DYNC2I2: variants seen among roughly 807,000 people sequenced by gnomAD.
DYNC2I2 encodes the protein dynein 2 intermediate chain 2.
DYNC2I2 carries 39 observed loss-of-function variants against 52.0 expected under a neutral mutation model. The observed-to-expected ratio is 0.75, with a 90% CI of 0.58 to 0.98. The LOEUF (loss-of-function observed/expected upper bound fraction) is 0.98, where lower values mean the gene tolerates loss of function less well. Ranked by LOEUF, DYNC2I2 falls within the 50% of genes least tolerant of loss-of-function variation. DYNC2I2 has a pLI of 0.00. For synonymous variants in DYNC2I2, 359 were observed against 321.1 expected (o/e 1.12, Z -1.26); for missense variants, 743 against 728.4 (o/e 1.02, Z -0.23).
Position 128,635,209 on chromosome 9 carries a change from A to G in DYNC2I2, c.864T>C (p.Ser288=), listed in dbSNP as rs1341254604. The part of the protein sequence containing the change: ...PGHSHRFQVL[S]VATDGKVLLW... ...GTAGCACCTTCCCGTCGGTGGCCAC[A>G]CTCAGCACCTGGAAGCGGTGGCTGT... is the stretch of plus-strand genomic sequence containing the variant. Residue 288 remains serine (S), a synonymous_variant, in exon 6 of 9, where the codon AGT becomes AGC. Transcript: ENST00000372715. 1.2e-6 allele frequency: 2 copies of G among 1,613,124 alleles called. No individual in the cohort carries two copies. The highest frequency in any genetic ancestry group is 1.7e-5 in the Admixed American group (1 of 60,004).
intron 1 of DYNC2I2, among the ~76,000 whole-genome samples, chr9:128,652,531 G>A (rs1426383317): frequency 6.7e-6 from 1 of 150,092 alleles, no homozygotes; most frequent in Non-Finnish European, 1.5e-5. Context: ...GCTGACGGAG[G>A]AAAATCGCTT....
At chr9:128,638,887 A>G (rs1418221021) in intron 2 of DYNC2I2, among the ~76,000 whole-genome samples, 5 of 152,218 alleles carry the variant, frequency 3.3e-5, no homozygotes, top group African/African-American at 4.8e-5. Flanking sequence ...CCCAAGCCAC[A>G]ACACGCATGA....
In DYNC2I2 at chr9:128,650,221, C is replaced by T. The variant is rs374802231; in HGVS notation, c.186+6320G>A. ...TCCAGGGCATTCCAGTGTTGACTACCTTTGAGAAGAGGAATGAGGAGGCCC... is the reference window on the plus strand; with the variant it reads ...TCCAGGGCATTCCAGTGTTGACTACTTTTGAGAAGAGGAATGAGGAGGCCC... On this transcript the variant is annotated intron_variant, in intron 1 of 8. Coordinates refer to ENST00000372715, the MANE Select transcript of DYNC2I2 (RefSeq NM_052844.4). Among the ~76,000 whole-genome samples, 220 of 55,442 alleles carry T rather than the reference C, an allele frequency of 4.0e-3. 60 individuals are homozygous for T. The highest frequency in any genetic ancestry group is 7.5e-3 in the African/African-American group (210 of 27,862). 36.4% of individuals were successfully genotyped at this position (55,442 alleles called of 152,430 possible).
At chr9:128,684,109 A>G in the DYNC2I2 span, 4 of 916,934 alleles carry the variant, frequency 4.4e-6, no homozygotes, top group South Asian at 3.2e-5. Flanking sequence ...ACCCCTAAGC[A>G]CCCCCAAAGG....
upstream of DYNC2I2, among the ~76,000 whole-genome samples, chr9:128,659,494 CAAAA>C (rs1236369943): frequency 1.4e-5 from 1 of 69,880 alleles, no homozygotes; most frequent in Non-Finnish European, 3.2e-5. Flanking sequence ...GACTCCGTCT[CAAAA>C]AAAAAAAAAA....
the DYNC2I2 span, among the ~76,000 whole-genome samples, chr9:128,680,087 T>G: frequency 1.3e-5 from 2 of 150,720 alleles, no homozygotes; most frequent in African/African-American, 4.9e-5. Flanking sequence ...TGAGACAGAG[T>G]TTCACTCTTG....
intron 1 of DYNC2I2, among the ~76,000 whole-genome samples, chr9:128,655,224 G>C (rs932136072): frequency 6.6e-6 from 1 of 151,058 alleles, no homozygotes; most frequent in African/African-American, 2.4e-5. Flanking sequence ...GCCTGGGCCG[G>C]CGCGGTGGCT....
chr9:128,643,974 C>T lies in DYNC2I2; in HGVS notation c.187-3035G>A, dbSNP rs1860565590. 5.3e-5 allele frequency among the ~76,000 whole-genome samples: 8 copies of T among 152,210 alleles called. No homozygotes were observed. In the South Asian group the frequency reaches 1.7e-3, roughly 32 times the overall value. ...GAGGAGGCTGCTGAGGGACTACACACACCAAGGAATGAATGAATGGGCCAG... is the reference window on the plus strand; with the variant it reads ...GAGGAGGCTGCTGAGGGACTACACATACCAAGGAATGAATGAATGGGCCAG... On this transcript the variant is annotated intron_variant, in intron 1 of 8. Coordinates refer to ENST00000372715, the MANE Select transcript of DYNC2I2 (RefSeq NM_052844.4).
At chr9:128,635,922 C>T in intron 4 of DYNC2I2, 155 bp from the exon 5 acceptor site, 1 of 718,512 alleles carries the variant, frequency 1.4e-6, no homozygotes, top group East Asian at 2.7e-5. Flanking sequence ...AGAGTCCTAG[C>T]CCCCAGCTCC....
chr9:128,633,775 A>G lies in DYNC2I2; in HGVS notation c.1580T>C (p.Leu527Pro), dbSNP rs1181406363. The G allele has an allele frequency of 1.9e-6, 3 of 1,613,520 alleles. No individual in the cohort carries two copies. Among genetic ancestry groups the G allele is most frequent in the Non-Finnish European group, 2.5e-6 (3 of 1,180,034 alleles). ...TEQGPREAED[L>P]DCLAAEVAA ...CGCCACCTCTGCTGCCAGGCAGTCC[A>G]GGTCCTCAGCTTCCCGGGGCCCTTG... Residue 527 changes from leucine (L) to proline (P), a missense_variant, in exon 9 of 9, where the codon CTG becomes CCG. Coordinates refer to ENST00000372715, the MANE Select transcript of DYNC2I2 (RefSeq NM_052844.4).
rs574821152 is a variant in DYNC2I2, at chr9:128,635,369, G to A, written c.814-110C>T. The A allele has an allele frequency of 9.3e-5, 127 of 1,370,682 alleles. No homozygotes were observed. In the East Asian group the frequency reaches 3.0e-3, roughly 33 times the overall value. The allele number at this position is 1,370,682 out of a possible 1,614,324, so 84.9% of individuals were successfully genotyped here. A position where few individuals can be genotyped will look rare whatever the true frequency, so the allele number is the denominator to read the frequency against. On this transcript the variant is annotated intron_variant, in intron 5 of 8. Transcript: ENST00000372715. ...CAGGAAAAAAAAAAATTCTCCGGGA[G>A]GCCCCAGAACCAGGCTCACCCACCA...
chr9:128,654,322 A>G (rs7862967), intron 1 of DYNC2I2, among the ~76,000 whole-genome samples: 109,291 of 152,100 alleles, frequency 0.72, 42,997 homozygotes, highest in Non-Finnish European at 0.89. Flanking sequence ...CTGCAGGTTC[A>G]TGCAGCAAGC....
At chr9:128,657,911 A>C (rs1488144228), upstream of DYNC2I2, among the ~76,000 whole-genome samples, 1 of 152,046 alleles carries the variant, frequency 6.6e-6, no homozygotes, top group Non-Finnish European at 1.5e-5. Flanking sequence ...GCAACACAGC[A>C]AGACTCCCTC....
chr9:128,658,959 G>A (rs1860886485), upstream of DYNC2I2, among the ~76,000 whole-genome samples: 1 of 151,672 alleles, frequency 6.6e-6, no homozygotes, highest in Admixed American at 6.6e-5. Flanking sequence ...TCGAACTCCT[G>A]GGTTCAAGTG....
At chr9:128,677,751 T>C in the DYNC2I2 span, among the ~76,000 whole-genome samples, 1 of 151,972 alleles carries the variant, frequency 6.6e-6, no homozygotes, top group African/African-American at 2.4e-5. Context: ...AAGGTTGCAG[T>C]GAGCCAAGAT....
At chr9:128,678,899 C>T in the DYNC2I2 span, among the ~76,000 whole-genome samples, 1 of 151,942 alleles carries the variant, frequency 6.6e-6, no homozygotes, top group Non-Finnish European at 1.5e-5. Flanking sequence ...GAAACTCTGT[C>T]TCTACTAAAA....
intron 1 of DYNC2I2, among the ~76,000 whole-genome samples, chr9:128,648,631 C>CA (rs71381783): frequency 0.72 from 87,689 of 121,270 alleles, 31,985 homozygotes; most frequent in Non-Finnish European, 0.83. Flanking sequence ...ACTAAAAATA[C>CA]AAAAAAAAAA....
At chr9:128,682,955 C>T in the DYNC2I2 span, among the ~76,000 whole-genome samples, 1 of 150,162 alleles carries the variant, frequency 6.7e-6, no homozygotes, top group Admixed American at 6.7e-5. Context: ...GGATTACAGG[C>T]TTGAGTCACT....
the DYNC2I2 span, among the ~76,000 whole-genome samples, chr9:128,673,423 C>G: frequency 1.7e-4 from 2 of 11,750 alleles, no homozygotes; most frequent in African/African-American, 2.3e-4. Context: ...CTTACTGCAA[C>G]TTCTGCCTCC....
Sources: gnomAD v4.1 joint callset for allele counts (sites outside exome capture counted in the v4.1 genomes callset) on GRCh38, gnomAD v4.1.1 for gene constraint, MANE v1.5 for transcripts, NCBI Gene and HGNC (gene_info 2026-07-23, HGNC 2026-07-21) for gene names.